The following SLIT3 variants were observed in gnomAD, a reference collection of about 807,000 sequenced individuals.
SLIT3 encodes the protein slit guidance ligand 3.
Under a neutral mutation model 184.0 loss-of-function variants are expected in SLIT3, and 68 were observed. That is an observed-to-expected ratio of 0.37 (90% CI 0.30 to 0.45). SLIT3 has a LOEUF of 0.45. SLIT3 is among the 20% of genes least tolerant of loss of function. The pLI, the probability that SLIT3 is intolerant of heterozygous loss-of-function variation, is 1.00. For synonymous variants in SLIT3, 831 were observed against 828.6 expected, an observed-to-expected ratio of 1.00 and a Z score of -0.05; for missense variants, 1,707 against 2,026.0, an observed-to-expected ratio of 0.84 and a Z score of 3.02.
intron 4 of SLIT3, among the ~76,000 whole-genome samples, chr5:168,991,634 C>T (rs562634686): frequency 7.9e-5 from 12 of 152,304 alleles, no homozygotes; most frequent in South Asian, 6.2e-4. Context: ...TCAGGGAGGA[C>T]GAGGGAAAGC....
At chr5:169,053,339 T>A (rs1219401554) in intron 4 of SLIT3, among the ~76,000 whole-genome samples, 1 of 152,246 alleles carries the variant, frequency 6.6e-6, no homozygotes, top group African/African-American at 2.4e-5. Flanking sequence ...AACTCAATTT[T>A]CATTTCTGCT....
intron 6 of SLIT3, among the ~76,000 whole-genome samples, chr5:168,830,360 C>G (rs1757840297): frequency 6.6e-6 from 1 of 152,188 alleles, no homozygotes; most frequent in Admixed American, 6.5e-5. Context: ...TCTCATCCAG[C>G]TGTACACTGC....
chr5:168,712,549 G>A (rs1762590641), intron 23 of SLIT3, 195 bp from the exon 24 acceptor site: 1 of 586,110 alleles, frequency 1.7e-6, no homozygotes, highest in Admixed American at 3.0e-5. Context: ...GATGGAGGGA[G>A]TAGAGGGTTT....
At chr5:168,767,725 C>T (rs1001251795) in intron 14 of SLIT3, among the ~76,000 whole-genome samples, 3 of 152,076 alleles carry the variant, frequency 2.0e-5, no homozygotes, top group Admixed American at 1.3e-4. Context: ...TGGGAGGGGT[C>T]GGGGGTCACA....
chr5:169,246,874 G>A (rs1365040199), intron 2 of SLIT3, among the ~76,000 whole-genome samples: 2 of 133,186 alleles, frequency 1.5e-5, no homozygotes, highest in South Asian at 2.4e-4. Context: ...AGCCAAGATC[G>A]TACCACTGCA....
intron 14 of SLIT3, among the ~76,000 whole-genome samples, chr5:168,766,316 G>A (rs1755343736): frequency 6.6e-6 from 1 of 152,232 alleles, no homozygotes; most frequent in African/African-American, 2.4e-5. Context: ...AGGAATTGGG[G>A]GGAGCGTAAG....
At chr5:168,738,362 A>G (rs1763503296) in intron 20 of SLIT3, among the ~76,000 whole-genome samples, 1 of 152,072 alleles carries the variant, frequency 6.6e-6, no homozygotes, top group Admixed American at 6.5e-5. Context: ...AATGCCCTTG[A>G]TGAAGTACCA....
intron 4 of SLIT3, among the ~76,000 whole-genome samples, chr5:168,951,881 T>C (rs1436662219): frequency 6.6e-6 from 1 of 152,152 alleles, no homozygotes; most frequent in African/African-American, 2.4e-5. Flanking sequence ...TTTAAGGTCT[T>C]TGATGCACAG....
At chr5:168,978,835 C>T (rs983972711) in intron 4 of SLIT3, among the ~76,000 whole-genome samples, 4 of 150,438 alleles carry the variant, frequency 2.7e-5, no homozygotes, top group East Asian at 3.9e-4. Context: ...GCTGGTCCAA[C>T]ATTCTCTCCC....
chr5:168,934,920 G>A (rs1331096335), intron 4 of SLIT3, among the ~76,000 whole-genome samples: 1 of 150,752 alleles, frequency 6.6e-6, no homozygotes, highest in East Asian at 2.0e-4. Flanking sequence ...ACAAGGTCAG[G>A]AGCTTGAGAC....
At chr5:168,726,305 C>A (rs550125736) in intron 20 of SLIT3, among the ~76,000 whole-genome samples, 10 of 147,310 alleles carry the variant, frequency 6.8e-5, no homozygotes, top group Non-Finnish European at 8.9e-5. Flanking sequence ...AGCCATAATT[C>A]CTGCTTTCAG....
chr5:169,260,690 T>C (rs560817668), intron 1 of SLIT3, among the ~76,000 whole-genome samples: 36 of 152,308 alleles, frequency 2.4e-4, no homozygotes, highest in African/African-American at 8.4e-4. Context: ...TATTCCTAAT[T>C]TGAATTTTCT....
chr5:168,770,468 G>A (rs889202907), intron 14 of SLIT3, among the ~76,000 whole-genome samples: 1 of 152,042 alleles, frequency 6.6e-6, no homozygotes, highest in Non-Finnish European at 1.5e-5. Context: ...TACATCTATG[G>A]TTTTTCTTTC....
chr5:168,692,485 T>C, intron 29 of SLIT3, 122 bp downstream of exon 29: 2 of 643,012 alleles, frequency 3.1e-6, no homozygotes, highest in Non-Finnish European at 2.8e-6. Flanking sequence ...GAATCAGAGA[T>C]GCAGAGAAGC....
intron 4 of SLIT3, among the ~76,000 whole-genome samples, chr5:169,171,454 G>C (rs570472094): frequency 1.8e-4 from 27 of 152,318 alleles, no homozygotes; most frequent in African/African-American, 6.5e-4. Flanking sequence ...AGTGTCTGTT[G>C]CAAGTTTCCT....
At chr5:168,866,200 G>A (rs928219939) in intron 5 of SLIT3, among the ~76,000 whole-genome samples, 1 of 152,174 alleles carries the variant, frequency 6.6e-6, no homozygotes, top group African/African-American at 2.4e-5. Flanking sequence ...CTGAAAGCCG[G>A]GCCAGACTCC....
At chr5:169,021,540 G>T (rs60190433) in intron 4 of SLIT3, among the ~76,000 whole-genome samples, 3,432 of 151,900 alleles carry the variant, frequency 0.023, 81 homozygotes, top group Middle Eastern at 0.048. Flanking sequence ...TAGTAGAGAC[G>T]GGGTTTCACC....
At chr5:168,813,178 TAGG>T (rs891148301) in intron 8 of SLIT3, among the ~76,000 whole-genome samples, 2 of 152,200 alleles carry the variant, frequency 1.3e-5, no homozygotes, top group African/African-American at 4.8e-5. Context: ...ATAACTGATT[TAGG>T]AGGTCAACTA....
intron 9 of SLIT3, among the ~76,000 whole-genome samples, chr5:168,803,806 T>G (rs944991984): frequency 6.6e-6 from 1 of 151,968 alleles, no homozygotes. Context: ...TCCATAGGAA[T>G]CTGAAATGAG....
Sources: allele counts gnomAD v4.1 joint callset (sites outside exome capture counted in the v4.1 genomes callset), GRCh38; gene constraint gnomAD v4.1.1; transcripts MANE v1.5; gene names NCBI Gene and HGNC (gene_info 2026-07-23, HGNC 2026-07-21).